TEX264: variants seen among roughly 807,000 people sequenced by gnomAD.
TEX264 encodes testis-expressed protein 264.
Under a neutral mutation model 23.4 loss-of-function variants are expected in TEX264, and 13 were observed. That is an observed-to-expected ratio of 0.56 (90% CI 0.36 to 0.88). TEX264 has a LOEUF of 0.88. Ranked by LOEUF, TEX264 falls within the 40% of genes least tolerant of loss-of-function variation. The probability of loss-of-function intolerance (pLI) is 0.01; values close to 1 mark genes in which losing one functional copy is unlikely to be tolerated. For synonymous variants in TEX264, 159 were observed against 170.0 expected (o/e 0.94, Z 0.50); for missense variants, 340 against 406.8 (o/e 0.84, Z 1.41).
At chr3:51,692,339 C>A (rs1202095113) in intron 3 of TEX264, among the ~76,000 whole-genome samples, 1 of 152,160 alleles carries the variant, frequency 6.6e-6, no homozygotes, top group Non-Finnish European at 1.5e-5. Flanking sequence ...CCCCCTCTCC[C>A]CCAAGCAGAA....
chr3:51,686,875 C>T lies in TEX264; in HGVS notation c.480+2241C>T, dbSNP rs1702641125. ...ACTTCTTGGGTTCCAGACCTCAGAA[C>T]AGGACATGTGGCATGTGGTGTGGTG... is the stretch of plus-strand genomic sequence containing the variant. On this transcript the variant is annotated intron_variant, in intron 3 of 4. Coordinates refer to ENST00000341333, the MANE Select transcript of TEX264 (RefSeq NM_015926.6). This position sits in a 1 kb window ranked among gnomAD's most constrained non-coding sequence, Gnocchi z 4.1. 6.6e-6 allele frequency among the ~76,000 whole-genome samples: 1 copy of T among 152,214 alleles called. No homozygotes were observed. The highest frequency in any genetic ancestry group is 6.5e-5 in the Admixed American group (1 of 15,290).
At chr3:51,690,272 C>T (rs901381147) in intron 3 of TEX264, among the ~76,000 whole-genome samples, 1 of 152,206 alleles carries the variant, frequency 6.6e-6, no homozygotes, top group African/African-American at 2.4e-5. Flanking sequence ...TGGCTCACGC[C>T]TGTAATCCCC....
chr3:51,674,854 C>T (rs1702179895), intron 2 of TEX264, among the ~76,000 whole-genome samples: 1 of 152,228 alleles, frequency 6.6e-6, no homozygotes, highest in South Asian at 2.1e-4. Flanking sequence ...TCTGCCAGGA[C>T]TTTGGTCCCC....
intron 2 of TEX264, among the ~76,000 whole-genome samples, chr3:51,680,885 C>T (rs1038901734): frequency 2.0e-5 from 3 of 152,142 alleles, no homozygotes; most frequent in Non-Finnish European, 2.9e-5. Context: ...TCCCTGGAGG[C>T]GGGTCTGGGC....
chr3:51,704,056 A>G lies in TEX264; in HGVS notation c.*40A>G. On this transcript the variant is annotated 3_prime_UTR_variant, in exon 5 of 5. Transcript: ENST00000341333. ...CCTCCTGCAGTGCAGTTGCTGAGGA[A>G]CTGAGCAGACTCTCCAGCAGACTCT... 7.1e-7 allele frequency: 1 copy of G among 1,414,682 alleles called. No individual in the cohort carries two copies. 87.6% of individuals were successfully genotyped at this position (1,414,682 alleles called of 1,614,324 possible). A position where few individuals can be genotyped will look rare whatever the true frequency, so the allele number is the denominator to read the frequency against.
intron 3 of TEX264, among the ~76,000 whole-genome samples, chr3:51,688,159 CAGG>C (rs1702694287): frequency 6.6e-6 from 1 of 152,194 alleles, no homozygotes; most frequent in Non-Finnish European, 1.5e-5. Context: ...GCCTCTAGTA[CAGG>C]AGGAGACCAC....
intron 4 of TEX264, among the ~76,000 whole-genome samples, chr3:51,701,723 G>A (rs1158688178): frequency 1.3e-5 from 2 of 151,578 alleles, no homozygotes; most frequent in African/African-American, 2.4e-5. Flanking sequence ...CCTCCACCTC[G>A]TGGGTTCAAG....
chr3:51,696,397 C>T (rs1167079853), intron 3 of TEX264, among the ~76,000 whole-genome samples: 2 of 152,156 alleles, frequency 1.3e-5, no homozygotes, highest in Admixed American at 6.5e-5. Context: ...CAGCTGGCCT[C>T]GCCTTCCTCC....
Position 51,674,568 on chromosome 3 carries a change from G to C in TEX264, c.258+6G>C. On this transcript the variant is annotated splice_donor_region_variant and intron_variant, in intron 2 of 4. Coordinates refer to ENST00000341333, the MANE Select transcript of TEX264 (RefSeq NM_015926.6). ...ACTATGACAACCCCCACATGGTAAG[G>C]AGTCTCCATGGGGTTCTGCCCCATG... The C allele has an allele frequency of 6.2e-7, 1 of 1,613,670 alleles. No individual in the cohort carries two copies. Among genetic ancestry groups the C allele is most frequent in the Non-Finnish European group, 8.5e-7 (1 of 1,179,750 alleles).
chr3:51,681,189 C>T (rs1415542984), intron 2 of TEX264, among the ~76,000 whole-genome samples: 2 of 152,194 alleles, frequency 1.3e-5, no homozygotes, highest in Non-Finnish European at 2.9e-5. Context: ...ATCCTGGGAG[C>T]CCTGTCTTCT....
intron 3 of TEX264, among the ~76,000 whole-genome samples, chr3:51,696,703 T>G (rs894518677): frequency 9.2e-5 from 14 of 152,242 alleles, no homozygotes; most frequent in Non-Finnish European, 1.3e-4. Flanking sequence ...TACAAGCCCC[T>G]TCTCTGCCTG....
chr3:51,694,029 T>TTC (rs1702936869), intron 3 of TEX264, among the ~76,000 whole-genome samples: 1 of 139,006 alleles, frequency 7.2e-6, no homozygotes, highest in African/African-American at 2.9e-5. Flanking sequence ...CTTCCTTCCT[T>TTC]CCTTCCTTCC....
intron 2 of TEX264, among the ~76,000 whole-genome samples, chr3:51,680,619 C>T (rs1353179463): frequency 1.3e-5 from 2 of 152,252 alleles, no homozygotes; most frequent in Non-Finnish European, 2.9e-5. Context: ...GGTGGTGGGT[C>T]TGGCCACTGC....
At chr3:51,694,030 CCTTCCTTCCTTCCTT>C (rs1354706620) in intron 3 of TEX264, among the ~76,000 whole-genome samples, 5 of 138,196 alleles carry the variant, frequency 3.6e-5, no homozygotes, top group African/African-American at 1.2e-4. Context: ...TTCCTTCCTT[CCTTCCTTCCTTCCTT>C]CCTCCCTTCC....
chr3:51,687,307 A>T (rs993850671), intron 3 of TEX264, among the ~76,000 whole-genome samples: 5 of 152,156 alleles, frequency 3.3e-5, no homozygotes, highest in African/African-American at 1.2e-4. Context: ...CGTCTTGGGG[A>T]ACAAAGCCAG....
chr3:51,701,075 A>G (rs1703283072), intron 4 of TEX264, among the ~76,000 whole-genome samples: 1 of 152,196 alleles, frequency 6.6e-6, no homozygotes, highest in African/African-American at 2.4e-5. Context: ...ACATTGATGT[A>G]TTATTTAGCT....
chr3:51,684,370 C>T (rs368753115), intron 2 of TEX264, 43 bp from the exon 3 acceptor site: 2 of 1,593,212 alleles, frequency 1.3e-6, no homozygotes, highest in Non-Finnish European at 1.7e-6. Flanking sequence ...CTGAGGGCCT[C>T]CTTCCTTTGG....
intron 1 of TEX264, among the ~76,000 whole-genome samples, chr3:51,672,601 G>A (rs77437470): frequency 0.018 from 2,775 of 152,290 alleles, 25 homozygotes; most frequent in Non-Finnish European, 0.028. Flanking sequence ...AGGATTTAAT[G>A]CTTCAGGCGT....
Position 51,694,085 on chromosome 3 carries a change from GTCCTTCCTTCCTTCCTTCCT to G in TEX264, c.481-5282_481-5263del, listed in dbSNP as rs60670569. On this transcript the variant is annotated intron_variant, in intron 3 of 4. Transcript: ENST00000341333. ...CCTTCCCTTCCCCTTCCTTCCGTCCGTCCTTCCTTCCTTCCTTCCTTCCTTCCTTCCTTCCTTCCTTCCTT... is the reference window on the plus strand; with the variant it reads ...CCTTCCCTTCCCCTTCCTTCCGTCCGTCCTTCCTTCCTTCCTTCCTTCCTT... 5.8e-3 allele frequency among the ~76,000 whole-genome samples: 491 copies of G among 85,330 alleles called. 5 individuals carry two copies. Among genetic ancestry groups the G allele is most frequent in the African/African-American group, 0.017 (395 of 22,888 alleles). The allele number at this position is 85,330 out of a possible 152,430, so 56.0% of individuals were successfully genotyped here. A position where few individuals can be genotyped will look rare whatever the true frequency, so the allele number is the denominator to read the frequency against.
Sources: allele counts gnomAD v4.1 joint callset (sites outside exome capture counted in the v4.1 genomes callset), GRCh38; gene constraint gnomAD v4.1.1; non-coding constraint Gnocchi (gnomAD v3.1); transcripts MANE v1.5; gene names NCBI Gene and HGNC (gene_info 2026-07-23, HGNC 2026-07-21).